The following WT1 variants were observed in gnomAD, a reference collection of about 807,000 sequenced individuals.
WT1 encodes the protein WT1 transcription factor, also known as Wilms tumor protein.
WT1 carries 8 observed loss-of-function variants against 60.8 expected under a neutral mutation model. That is an observed-to-expected ratio of 0.13 (90% CI 0.08 to 0.24). The LOEUF is 0.24. WT1 is among the 10% of genes least tolerant of loss of function. WT1 has a pLI of 1.00. For missense variants in WT1, 568 were observed against 711.8 expected (o/e 0.80, Z 2.30); for synonymous variants, 312 against 297.1 (o/e 1.05, Z -0.52).
At chr11:32,420,798 T>C (rs571189798) in intron 3 of WT1, among the ~76,000 whole-genome samples, 5 of 152,186 alleles carry the variant, frequency 3.3e-5, no homozygotes, top group Non-Finnish European at 7.3e-5. Context: ...AGATGCCCCA[T>C]GTGTCCTCTT....
intron 5 of WT1, among the ~76,000 whole-genome samples, chr11:32,408,077 G>A (rs1852372712): frequency 1.3e-5 from 2 of 151,086 alleles, no homozygotes; most frequent in Non-Finnish European, 2.9e-5. Context: ...ACAAAAATTA[G>A]CTGGGCATGG....
intron 1 of WT1, chr11:32,430,641 C>A: frequency 6.6e-7 from 1 of 1,512,104 alleles, no homozygotes; most frequent in South Asian, 1.3e-5. Flanking sequence ...TCCCGAGTCG[C>A]GGCACCCACT....
intron 1 of WT1, among the ~76,000 whole-genome samples, chr11:32,432,457 A>G (rs1307322010): frequency 1.3e-5 from 2 of 152,194 alleles, no homozygotes; most frequent in African/African-American, 4.8e-5. Context: ...CGCTTCTCAC[A>G]TCCAAGCTGC....
chr11:32,393,266 T>A (rs1334409712), intron 7 of WT1, among the ~76,000 whole-genome samples: 1 of 152,214 alleles, frequency 6.6e-6, no homozygotes, highest in East Asian at 1.9e-4. Context: ...TCCTTGTTCT[T>A]GCATCAAGCA....
At chr11:32,394,804 G>T (rs1851918613) in intron 7 of WT1, among the ~76,000 whole-genome samples, 1 of 152,202 alleles carries the variant, frequency 6.6e-6, no homozygotes, top group African/African-American at 2.4e-5. Flanking sequence ...TGGGGTTTTG[G>T]CTGTCTTGTT....
chr11:32,392,534 T>TG, intron 8 of WT1, 132 bp downstream of exon 8: 1 of 886,546 alleles, frequency 1.1e-6, no homozygotes, highest in Non-Finnish European at 1.9e-6. Flanking sequence ...CCAGAGATTA[T>TG]GGGGGGAAAA....
intron 3 of WT1, among the ~76,000 whole-genome samples, chr11:32,417,926 T>C (rs1461206969): frequency 6.6e-6 from 1 of 152,126 alleles, no homozygotes; most frequent in Non-Finnish European, 1.5e-5. Flanking sequence ...TAAAGAAGTA[T>C]TAAACCTTTG....
intron 3 of WT1, among the ~76,000 whole-genome samples, chr11:32,424,286 A>G (rs1280228664): frequency 6.6e-6 from 1 of 152,148 alleles, no homozygotes; most frequent in East Asian, 1.9e-4. Flanking sequence ...CAGAGAGACT[A>G]AGGATCAAAT....
At chr11:32,427,875 T>C in intron 3 of WT1, 81 bp downstream of exon 3, 2 of 1,395,020 alleles carry the variant, frequency 1.4e-6, no homozygotes, top group Middle Eastern at 2.5e-4. Context: ...GCTGCCCGGC[T>C]GGGGCGTTCC....
intron 7 of WT1, among the ~76,000 whole-genome samples, chr11:32,394,964 C>G (rs1313502387): frequency 6.6e-6 from 1 of 152,248 alleles, no homozygotes; most frequent in Non-Finnish European, 1.5e-5. Context: ...ATAACCTTGA[C>G]AGTCACTTTT....
At chr11:32,424,229 T>A (rs990415245) in intron 3 of WT1, among the ~76,000 whole-genome samples, 3 of 149,724 alleles carry the variant, frequency 2.0e-5, no homozygotes, top group Non-Finnish European at 4.4e-5. Context: ...GAATCCTGCG[T>A]GGTCTGGTGT....
chr11:32,412,602 G>A (rs180945577), intron 5 of WT1, among the ~76,000 whole-genome samples: 15 of 151,864 alleles, frequency 9.9e-5, no homozygotes, highest in African/African-American at 1.4e-4. Context: ...CACAGAAAAT[G>A]TTTTCAAAGA....
intron 5 of WT1, among the ~76,000 whole-genome samples, chr11:32,408,782 T>C (rs1377821907): frequency 1.3e-5 from 2 of 152,154 alleles, no homozygotes; most frequent in African/African-American, 2.4e-5. Context: ...GGGGCTGTTA[T>C]AATATAAGCT....
chr11:32,428,006 G>C lies in WT1; in HGVS notation c.837C>G (p.Thr279=), dbSNP rs747613465. The C allele has an allele frequency of 6.2e-7, 1 of 1,611,628 alleles. No individual in the cohort carries two copies. Among genetic ancestry groups the C allele is most frequent in the East Asian group, 2.2e-5 (1 of 44,838 alleles). Residue 279 remains threonine, a synonymous_variant, in exon 3 of 10, where the codon ACC becomes ACG. Coordinates refer to ENST00000452863, the MANE Select transcript of WT1 (RefSeq NM_024426.6). The stretch of plus-strand genomic sequence containing the variant: ...AAGCCTGGCTGCCGGTGCAGCTGTC[G>C]GTGGGGGTGTGGCAGCCATAGACCG...
chr11:32,426,709 T>C (rs5030179), intron 3 of WT1, among the ~76,000 whole-genome samples: 77,993 of 151,964 alleles, frequency 0.51, 22,921 homozygotes, highest in African/African-American at 0.79. Flanking sequence ...AAAAGGTTTC[T>C]CCAGTCCGCG....
intron 3 of WT1, among the ~76,000 whole-genome samples, chr11:32,423,709 G>A (rs1422615231): frequency 6.6e-6 from 1 of 152,132 alleles, no homozygotes; most frequent in Non-Finnish European, 1.5e-5. Context: ...TACTTCTCAG[G>A]GCCTGAGTTT....
chr11:32,416,628 C>A, intron 4 of WT1, 88 bp from the exon 5 acceptor site: 1 of 1,484,182 alleles, frequency 6.7e-7, no homozygotes, highest in Non-Finnish European at 9.4e-7. Context: ...GTGAAAAGCC[C>A]CTCAATACAC....
intron 1 of WT1, among the ~76,000 whole-genome samples, chr11:32,431,251 G>A (rs1182596364): frequency 6.6e-6 from 1 of 152,116 alleles, no homozygotes; most frequent in Non-Finnish European, 1.5e-5. Flanking sequence ...ACTGTGATTG[G>A]GGAAAACCTG....
At position 32,421,109 on chromosome 11, in the gene WT1, C is replaced by T. The variant is rs141758386; in HGVS notation, c.888-3455G>A. Among the ~76,000 whole-genome samples, 84 of 152,262 alleles carry T rather than the reference C, an allele frequency of 5.5e-4. 1 individual carries two copies. The East Asian group carries it at 0.014, about 24-fold the overall frequency. ...AAGTCAATGACAGCAATGACAATAA[C>T]GGCTGCTGGGGAGGGGACAAAAATG... On this transcript the variant is annotated intron_variant, in intron 3 of 9. Coordinates refer to ENST00000452863, the MANE Select transcript of WT1 (RefSeq NM_024426.6).
Sources: allele counts gnomAD v4.1 joint callset (sites outside exome capture counted in the v4.1 genomes callset), GRCh38; gene constraint gnomAD v4.1.1; transcripts MANE v1.5; gene names NCBI Gene and HGNC (gene_info 2026-07-23, HGNC 2026-07-21).